NOL4L: variants seen among roughly 807,000 people sequenced by gnomAD.
The protein encoded by NOL4L is nucleolar protein 4 like, also known as nucleolar protein 4-like.
A neutral mutation model predicts 64.5 loss-of-function variants in NOL4L; 7 were observed. That is an observed-to-expected ratio of 0.11 (90% CI 0.06 to 0.20). The LOEUF (loss-of-function observed/expected upper bound fraction) is 0.20, where lower values mean the gene tolerates loss of function less well. NOL4L is among the 10% of genes least tolerant of loss of function. The probability of loss-of-function intolerance (pLI) is 1.00; values close to 1 mark genes in which losing one functional copy is unlikely to be tolerated. For missense variants in NOL4L, 680 were observed against 967.1 expected (o/e 0.70, Z 3.94); for synonymous variants, 413 against 401.0 (o/e 1.03, Z -0.36).
intron 4 of NOL4L, among the ~76,000 whole-genome samples, chr20:32,508,594 C>T (rs906016211): frequency 2.0e-5 from 3 of 152,218 alleles, no homozygotes; most frequent in Non-Finnish European, 4.4e-5. Flanking sequence ...TCTCCTGCCG[C>T]ACTCAGAAGA....
chr20:32,527,759 G>A lies in NOL4L; in HGVS notation c.476C>T (p.Ala159Val). The A allele has an allele frequency of 1.3e-6, 2 of 1,545,748 alleles. No homozygotes were observed. Among genetic ancestry groups the A allele is most frequent in the African/African-American group, 1.4e-5 (1 of 73,086 alleles). Residue 159 changes from alanine to valine, a missense_variant and splice_region_variant, in exon 2 of 11, where the codon GCG (alanine) becomes GTG (valine). By Grantham distance (64) the Ala-to-Val change is moderately conservative (BLOSUM62 0). Around this residue, in one of 4 missense-constraint regions of NOL4L, gnomAD observed 181 missense variants for 335.2 expected, o/e 0.54. Transcript: ENST00000621426. Reference protein sequence around the residue: ...KHAGQKKTYRAIAETYAFLPR... With the variant: ...KHAGQKKTYRVIAETYAFLPR... ...GAGGCAAAGAGACAGAAATCTCACC[G>A]CTCGGTAGGTTTTCTTCTGCCCAGC... is the stretch of plus-strand genomic sequence containing the variant.
At chr20:32,533,394 G>A (rs1193871980) in intron 1 of NOL4L, 2 of 152,160 alleles carry the variant, frequency 1.3e-5, no homozygotes, top group Non-Finnish European at 2.9e-5. Context: ...ATGTGCTGGG[G>A]GTTTTAACAG....
In NOL4L at chr20:32,452,926, C is replaced by G; in HGVS notation, c.1578G>C (p.Lys526Asn). The G allele has an allele frequency of 6.2e-7, 1 of 1,614,090 alleles. No individual in the cohort carries two copies. The highest frequency in any genetic ancestry group is 2.2e-5 in the East Asian group (1 of 44,866). Reference sequence around the variant, plus strand: ...TCTCTAGACGCATCCGCTTGGCTGCCTTTCTTGTCTCGCTCTCACAGGCAG... The same window carrying G: ...TCTCTAGACGCATCCGCTTGGCTGCGTTTCTTGTCTCGCTCTCACAGGCAG... The part of the protein sequence containing the change: ...LAAACESETR[K>N]AAKRMRLEIY... The change falls in exon 9 of 11, where the codon AAG becomes AAC. Residue 526 changes from lysine (K) to asparagine (N), a missense_variant. Coordinates refer to ENST00000621426, the MANE Select transcript of NOL4L (RefSeq NM_001256798.2).
intron 5 of NOL4L, among the ~76,000 whole-genome samples, chr20:32,459,203 G>A (rs181082706): frequency 5.3e-5 from 8 of 151,686 alleles, no homozygotes; most frequent in African/African-American, 1.9e-4. Flanking sequence ...GCACCATTAT[G>A]TAAACAGATT....
chr20:32,583,707 C>T (rs1038334215), intron 1 of NOL4L, among the ~76,000 whole-genome samples: 3 of 140,818 alleles, frequency 2.1e-5, no homozygotes, highest in South Asian at 5.0e-4. Context: ...AGCCGCGGGG[C>T]CCGCGCCGCA....
intron 6 of NOL4L, among the ~76,000 whole-genome samples, chr20:32,454,266 A>T (rs1184442213): frequency 6.6e-6 from 1 of 152,180 alleles, no homozygotes; most frequent in Non-Finnish European, 1.5e-5. Context: ...CGGGAGGAGG[A>T]ACAGATGCGC....
chr20:32,500,093 CAA>C (rs77063132), intron 4 of NOL4L, among the ~76,000 whole-genome samples: 29,216 of 151,936 alleles, frequency 0.19, 5,420 homozygotes, highest in African/African-American at 0.49. Context: ...CCAAATGGAT[CAA>C]AGATTAAATA....
chr20:32,531,174 A>C (rs1483713288), intron 1 of NOL4L, among the ~76,000 whole-genome samples: 2 of 152,138 alleles, frequency 1.3e-5, no homozygotes, highest in African/African-American at 4.8e-5. Context: ...TTAAAGGCCA[A>C]TAGACCTCCC....
chr20:32,504,628 C>A (rs1156558108), intron 4 of NOL4L, among the ~76,000 whole-genome samples: 1 of 145,806 alleles, frequency 6.9e-6, no homozygotes, highest in East Asian at 2.1e-4. Flanking sequence ...TTTTTTTTGA[C>A]TGAGTCTTGC....
intron 1 of NOL4L, among the ~76,000 whole-genome samples, chr20:32,531,445 TG>T (rs2018344712): frequency 6.6e-6 from 1 of 151,884 alleles, no homozygotes; most frequent in African/African-American, 2.4e-5. Flanking sequence ...CTCTGGCTCC[TG>T]GGTTCAAACG....
rs10675320 is a variant in NOL4L, at chr20:32,541,008, TACACACACAC to T, written c.322-13105_322-13096del. On this transcript the variant is annotated intron_variant, in intron 1 of 10. Transcript: ENST00000621426. Reference sequence around the variant, plus strand: ...TGCTCCAGCCTGCCTCGCCACCCCCTACACACACACACACACACACACACACACACACACA... The same window carrying T: ...TGCTCCAGCCTGCCTCGCCACCCCCTACACACACACACACACACACACACA... Among the ~76,000 whole-genome samples, 298 of 133,600 alleles carry T rather than the reference TACACACACAC, an allele frequency of 2.2e-3. 1 individual carries two copies. The highest frequency in any genetic ancestry group is 6.4e-3 in the African/African-American group (229 of 36,036). 87.6% of individuals were successfully genotyped at this position (133,600 alleles called of 152,430 possible).
At chr20:32,509,723 C>G (rs1316284665) in intron 4 of NOL4L, 1 of 1,249,620 alleles carries the variant, frequency 8.0e-7, no homozygotes, top group Non-Finnish European at 1.0e-6. Context: ...TTAACCAGAT[C>G]AAATATCTGA....
chr20:32,504,557 C>CA (rs551239944), intron 4 of NOL4L, among the ~76,000 whole-genome samples: 30,123 of 123,898 alleles, frequency 0.24, 3,867 homozygotes, highest in East Asian at 0.63. Flanking sequence ...GAGACTCCAT[C>CA]AAAAAAAAAA....
In NOL4L at chr20:32,464,927, G is replaced by A. The variant is rs111855009; in HGVS notation, c.842-8532C>T. 6.2e-4 allele frequency: 306 copies of A among 492,658 alleles called. 2 individuals are homozygous for A. The highest frequency in any genetic ancestry group is 5.8e-3 in the African/African-American group (284 of 49,330). 30.5% of individuals were successfully genotyped at this position (492,658 alleles called of 1,614,324 possible). ...GAGACGCAGCGTGTATTGCACACCTGTCTGCACTAGCCTTTTCCAAGGCTC... is the reference window on the plus strand; with the variant it reads ...GAGACGCAGCGTGTATTGCACACCTATCTGCACTAGCCTTTTCCAAGGCTC... On this transcript the variant is annotated intron_variant, in intron 5 of 10. Transcript: ENST00000621426. This position sits in a 1 kb window ranked among gnomAD's most constrained non-coding sequence, Gnocchi z 5.6.
chr20:32,500,274 T>G (rs1458834377), intron 4 of NOL4L, among the ~76,000 whole-genome samples: 1 of 152,012 alleles, frequency 6.6e-6, no homozygotes, highest in Non-Finnish European at 1.5e-5. Flanking sequence ...GGTCTTGAAC[T>G]CCTGAACTCA....
intron 1 of NOL4L, chr20:32,536,207 C>T: frequency 1.0e-6 from 1 of 985,582 alleles, no homozygotes; most frequent in Non-Finnish European, 1.2e-6. Flanking sequence ...CCCGGGGCAC[C>T]GCAGCCTAGG....
rs562134070 is a variant in NOL4L, at chr20:32,528,058, G to C, written c.322-145C>G. The stretch of plus-strand genomic sequence containing the variant: ...GGGAGGGGAGGGAGCCTACCGAGGG[G>C]GCTCCCTGGAGGGGGACGCCAGAGT... On this transcript the variant is annotated intron_variant, in intron 1 of 10. Coordinates refer to ENST00000621426, the MANE Select transcript of NOL4L (RefSeq NM_001256798.2). 4 of 618,046 alleles carry C rather than the reference G, an allele frequency of 6.5e-6. No individual in the cohort carries two copies. The East Asian group carries it at 1.3e-4, about 20-fold the overall frequency. The allele number at this position is 618,046 out of a possible 1,614,324, so 38.3% of individuals were successfully genotyped here. A position where few individuals can be genotyped will look rare whatever the true frequency, so the allele number is the denominator to read the frequency against.
intron 1 of NOL4L, among the ~76,000 whole-genome samples, chr20:32,567,633 G>A (rs1039109056): frequency 1.3e-5 from 2 of 152,210 alleles, no homozygotes; most frequent in Non-Finnish European, 2.9e-5. Flanking sequence ...CTGGTCAGCC[G>A]CCTGCCTGAG....
rs2013958161 is a variant in NOL4L, at chr20:32,460,666, A to G, written c.842-4271T>C. On this transcript the variant is annotated intron_variant, in intron 5 of 10. Transcript: ENST00000621426. The surrounding 1 kb of genome is among the most constrained non-coding windows in gnomAD (Gnocchi z 5.7). ...TGCACCCCACATTTTCTCACATCAT[A>G]ACTCACCCACTGCCGACGCACGAGG... is the stretch of plus-strand genomic sequence containing the variant. Among the ~76,000 whole-genome samples the G allele has an allele frequency of 6.6e-6, 1 of 152,100 alleles. No homozygotes were observed. The highest frequency in any genetic ancestry group is 2.4e-5 in the African/African-American group (1 of 41,402).
Sources: allele counts gnomAD v4.1 joint callset (sites outside exome capture counted in the v4.1 genomes callset), GRCh38; gene constraint gnomAD v4.1.1; regional missense constraint gnomAD v4.1.1; non-coding constraint Gnocchi (gnomAD v3.1); transcripts MANE v1.5; gene names NCBI Gene and HGNC (gene_info 2026-07-23, HGNC 2026-07-21).